Variants in PLEKHH2 observed in about 807,000 individuals in gnomAD.
The protein encoded by PLEKHH2 is pleckstrin homology domain-containing family H member 2.
In PLEKHH2, 129 loss-of-function variants were observed where a neutral mutation model predicts 187.9. The ratio of observed to expected loss-of-function variants is 0.69; its 90% CI spans 0.59 to 0.79. PLEKHH2 has a LOEUF of 0.79. Ranked by LOEUF, PLEKHH2 falls within the 30% of genes least tolerant of loss-of-function variation. The pLI is 0.00. For synonymous variants in PLEKHH2, 686 were observed against 605.6 expected (o/e 1.13, Z -1.95); for missense variants, 2,076 against 1,751.2 (o/e 1.19, Z -3.31).
chr2:43,670,255 C>T (rs867445224), intron 2 of PLEKHH2, among the ~76,000 whole-genome samples: 2 of 152,136 alleles, frequency 1.3e-5, no homozygotes, highest in African/African-American at 4.8e-5. Flanking sequence ...TCAAGGAAAG[C>T]ACATATGATC....
intron 11 of PLEKHH2, among the ~76,000 whole-genome samples, chr2:43,708,756 C>T (rs185870149): frequency 3.3e-5 from 5 of 152,318 alleles, no homozygotes; most frequent in East Asian, 1.9e-4. Flanking sequence ...TCCAACATTG[C>T]CCCTGCCTAA....
intron 19 of PLEKHH2, among the ~76,000 whole-genome samples, chr2:43,733,033 T>C (rs750592171): frequency 1.3e-5 from 2 of 152,036 alleles, no homozygotes; most frequent in South Asian, 2.1e-4. Context: ...ACTGAGAAAA[T>C]TAGAGGACAT....
chr2:43,647,100 G>A (rs1225645882), intron 2 of PLEKHH2, among the ~76,000 whole-genome samples: 1 of 151,966 alleles, frequency 6.6e-6, no homozygotes, highest in South Asian at 2.1e-4. Flanking sequence ...GATTTATTAT[G>A]TATAGGATAA....
At chr2:43,676,291 T>A (rs200659882) in intron 2 of PLEKHH2, 4 of 1,611,718 alleles carry the variant, frequency 2.5e-6, no homozygotes, top group Non-Finnish European at 3.4e-6. Context: ...CAACATACCC[T>A]TAAAAAATGA....
At chr2:43,670,887 G>T (rs1574507396) in intron 2 of PLEKHH2, among the ~76,000 whole-genome samples, 1 of 151,830 alleles carries the variant, frequency 6.6e-6, no homozygotes, top group South Asian at 2.1e-4. Flanking sequence ...TGCTTATTTT[G>T]TTAGATTCAT....
intron 4 of PLEKHH2, among the ~76,000 whole-genome samples, chr2:43,693,884 C>G (rs979180782): frequency 2.0e-5 from 3 of 151,980 alleles, no homozygotes; most frequent in African/African-American, 7.3e-5. Context: ...ACCAGTGTTT[C>G]TTTAGGTCAG....
At chr2:43,640,950 ATTTTTTTTT>A (rs58200065) in intron 1 of PLEKHH2, among the ~76,000 whole-genome samples, 6 of 115,776 alleles carry the variant, frequency 5.2e-5, no homozygotes, top group African/African-American at 1.7e-4. Context: ...TGCCTGGCTA[ATTTTTTTTT>A]TTTTTTTTTT....
At chr2:43,675,302 A>G (rs897628681) in intron 2 of PLEKHH2, 12 of 986,452 alleles carry the variant, frequency 1.2e-5, no homozygotes, top group Non-Finnish European at 1.8e-5. Context: ...TTTTACACTT[A>G]CACTGTATCA....
chr2:43,751,570 A>G (rs1437399969), intron 24 of PLEKHH2, among the ~76,000 whole-genome samples: 4 of 152,198 alleles, frequency 2.6e-5, no homozygotes, highest in African/African-American at 9.7e-5. Context: ...CAGTGACGCA[A>G]TTTCCATCCC....
chr2:43,681,102 G>A (rs1018747529), intron 3 of PLEKHH2: 2 of 1,028,552 alleles, frequency 1.9e-6, no homozygotes, highest in Non-Finnish European at 2.9e-6. Flanking sequence ...ACCAACTCCA[G>A]AATTACTATG....
chr2:43,718,004 A>T lies in PLEKHH2; in HGVS notation c.2461-2665A>T, dbSNP rs573390586. Among the ~76,000 whole-genome samples the T allele has an allele frequency of 6.6e-4, 101 of 152,254 alleles. 1 individual carries two copies. Among genetic ancestry groups the T allele is most frequent in the Non-Finnish European group, 7.4e-5 (5 of 68,008 alleles). ...ATGCTACAGGGATGGGCTTATGGGG[A>T]AGGAGAGAATACCATAGGGGCTTAT... On this transcript the variant is annotated intron_variant, in intron 15 of 29. Coordinates refer to ENST00000282406, the MANE Select transcript of PLEKHH2 (RefSeq NM_172069.4).
At chr2:43,660,207 T>G (rs1360523107) in intron 2 of PLEKHH2, among the ~76,000 whole-genome samples, 4 of 152,232 alleles carry the variant, frequency 2.6e-5, no homozygotes, top group African/African-American at 9.6e-5. Flanking sequence ...TGTCTGTATC[T>G]ATAGTTTGTT....
intron 10 of PLEKHH2, 147 bp from the exon 11 acceptor site, chr2:43,707,254 A>C (rs544643182): frequency 4.2e-6 from 3 of 710,476 alleles, no homozygotes; most frequent in East Asian, 2.8e-5. Flanking sequence ...ACTTTCTGTT[A>C]TCTAAAAAGA....
chr2:43,744,113 C>A, intron 23 of PLEKHH2, 124 bp downstream of exon 23: 1 of 1,431,234 alleles, frequency 7.0e-7, no homozygotes, highest in Non-Finnish European at 9.1e-7. Context: ...CCAATCTAAT[C>A]TCCACGATAA....
chr2:43,668,041 G>A (rs1462733882), intron 2 of PLEKHH2, among the ~76,000 whole-genome samples: 1 of 152,094 alleles, frequency 6.6e-6, no homozygotes, highest in Non-Finnish European at 1.5e-5. Context: ...TGTTGTTGTT[G>A]TTGTTTTTTG....
At chr2:43,687,975 T>TC (rs1446116209) in intron 3 of PLEKHH2, among the ~76,000 whole-genome samples, 1 of 152,090 alleles carries the variant, frequency 6.6e-6, no homozygotes, top group East Asian at 1.9e-4. Context: ...ATTTTAGAAT[T>TC]TTTTTTGTAG....
intron 25 of PLEKHH2, among the ~76,000 whole-genome samples, chr2:43,754,968 G>T (rs1672159482): frequency 6.6e-6 from 1 of 150,586 alleles, no homozygotes. Flanking sequence ...CACCTCCCGG[G>T]TTCAAGCGAT....
chr2:43,667,290 A>G (rs11888681), intron 2 of PLEKHH2, among the ~76,000 whole-genome samples: 7,259 of 152,276 alleles, frequency 0.048, 279 homozygotes, highest in African/African-American at 0.1. Context: ...GATGGACAAT[A>G]ATAACAAGCA....
At chr2:43,707,664 A>G in intron 11 of PLEKHH2, 119 bp downstream of exon 11, 1 of 1,198,762 alleles carries the variant, frequency 8.3e-7, no homozygotes, top group Non-Finnish European at 1.2e-6. Context: ...GACCCTAGTG[A>G]AAAGAACTTT....
Sources: gnomAD v4.1 joint callset for allele counts (sites outside exome capture counted in the v4.1 genomes callset) on GRCh38, gnomAD v4.1.1 for gene constraint, MANE v1.5 for transcripts, NCBI Gene and HGNC (gene_info 2026-07-23, HGNC 2026-07-21) for gene names.